TGS1: variants seen among roughly 807,000 people sequenced by gnomAD.
TGS1 encodes trimethylguanosine synthase 1, also known as trimethylguanosine synthase.
Under a neutral mutation model 92.2 loss-of-function variants are expected in TGS1, and 69 were observed. The ratio of observed to expected loss-of-function variants is 0.75; its 90% confidence interval spans 0.62 to 0.91. TGS1 has a LOEUF of 0.91. Ranked by LOEUF, TGS1 falls within the 40% of genes least tolerant of loss-of-function variation. The pLI is 0.00. For synonymous variants in TGS1, 345 were observed against 338.1 expected, an observed-to-expected ratio of 1.02 and a Z score of -0.22; for missense variants, 1,062 against 1,001.2, an observed-to-expected ratio of 1.06 and a Z score of -0.82.
At chr8:55,820,690 T>C (rs1197622835) in intron 12 of TGS1, among the ~76,000 whole-genome samples, 1 of 152,228 alleles carries the variant, frequency 6.6e-6, no homozygotes, top group African/African-American at 2.4e-5. Flanking sequence ...TGATGTCAAA[T>C]CTAGTCAAGA....
At position 55,824,750 on chromosome 8, in the gene TGS1, T is replaced by G; in HGVS notation, c.*47T>G. On this transcript the variant is annotated 3_prime_UTR_variant, in exon 13 of 13. Transcript: ENST00000260129. ...AAAGATCATGGAGTGGTCAAAATAT[T>G]CAGATGAGACATTTGGCATGTCTTC... 1 of 1,604,732 alleles carries G rather than the reference T, an allele frequency of 6.2e-7. No individual in the cohort carries two copies.
chr8:55,819,801 CT>C (rs1395524858), intron 12 of TGS1, among the ~76,000 whole-genome samples: 20 of 152,198 alleles, frequency 1.3e-4, no homozygotes, highest in East Asian at 7.7e-4. Context: ...TCCCAGAGAA[CT>C]TTTAATTACC....
intron 2 of TGS1, among the ~76,000 whole-genome samples, chr8:55,783,730 A>T (rs1312888330): frequency 6.6e-6 from 1 of 152,206 alleles, no homozygotes; most frequent in East Asian, 1.9e-4. Context: ...CAGCCCAAGT[A>T]CAGTGTCATA....
chr8:55,822,560 T>TC (rs200336283), intron 12 of TGS1, among the ~76,000 whole-genome samples: 5 of 140,742 alleles, frequency 3.6e-5, no homozygotes, highest in African/African-American at 1.1e-4. Flanking sequence ...TTTTTTTTTT[T>TC]TCCCCCTTTC....
chr8:55,819,560 A>AGTTCT (rs1803578653), intron 12 of TGS1, among the ~76,000 whole-genome samples: 1 of 151,488 alleles, frequency 6.6e-6, no homozygotes. Flanking sequence ...AGCCTCCCAA[A>AGTTCT]GTTCTGGGAT....
At chr8:55,783,974 G>T (rs1435478498) in intron 2 of TGS1, among the ~76,000 whole-genome samples, 2 of 152,202 alleles carry the variant, frequency 1.3e-5, no homozygotes, top group African/African-American at 4.8e-5. Flanking sequence ...AAGTATATTT[G>T]AATGGAGTAG....
chr8:55,804,761 T>G, intron 9 of TGS1, 132 bp from the exon 10 acceptor site: 2 of 729,938 alleles, frequency 2.7e-6, no homozygotes, highest in Non-Finnish European at 2.1e-6. Context: ...TAAAACTGGG[T>G]GATTTATAAT....
At chr8:55,820,920 G>A (rs1423961849) in intron 12 of TGS1, among the ~76,000 whole-genome samples, 1 of 152,092 alleles carries the variant, frequency 6.6e-6, no homozygotes, top group Non-Finnish European at 1.5e-5. Flanking sequence ...ATAATATTTT[G>A]TCAGCTAAAC....
At chr8:55,774,769 G>A (rs780198395) in intron 1 of TGS1, among the ~76,000 whole-genome samples, 2 of 152,226 alleles carry the variant, frequency 1.3e-5, no homozygotes, top group Non-Finnish European at 1.5e-5. Context: ...CTATGAGAGA[G>A]AAGTGCAGGA....
chr8:55,788,808 T>C (rs1354065235), intron 4 of TGS1, among the ~76,000 whole-genome samples: 1 of 152,148 alleles, frequency 6.6e-6, no homozygotes, highest in African/African-American at 2.4e-5. Context: ...TCTTCTATAC[T>C]CTCCTGATAC....
At chr8:55,777,919 T>C (rs1176810888) in intron 1 of TGS1, among the ~76,000 whole-genome samples, 1 of 152,056 alleles carries the variant, frequency 6.6e-6, no homozygotes, top group Admixed American at 6.5e-5. Context: ...TTTTTTTTAA[T>C]TTAAGCCTTC....
intron 2 of TGS1, among the ~76,000 whole-genome samples, chr8:55,784,635 C>T (rs1028740239): frequency 6.6e-6 from 1 of 152,166 alleles, no homozygotes; most frequent in Non-Finnish European, 1.5e-5. Flanking sequence ...CTTCTAATAG[C>T]AGAATCCTTT....
intron 11 of TGS1, among the ~76,000 whole-genome samples, chr8:55,811,547 G>A (rs1803341319): frequency 1.3e-5 from 2 of 151,824 alleles, no homozygotes; most frequent in African/African-American, 2.4e-5. Context: ...GGATCACGAG[G>A]TCAGGAGATC....
At chr8:55,776,277 CTTTTTTTTTT>C (rs71256565) in intron 1 of TGS1, among the ~76,000 whole-genome samples, 1 of 120,526 alleles carries the variant, frequency 8.3e-6, no homozygotes, top group Non-Finnish European at 1.7e-5. Flanking sequence ...TTCACGGTGT[CTTTTTTTTTT>C]TTTTTTTTTT....
At chr8:55,805,352 C>T (rs1812336268) in intron 10 of TGS1, among the ~76,000 whole-genome samples, 1 of 152,020 alleles carries the variant, frequency 6.6e-6, no homozygotes, top group African/African-American at 2.4e-5. Flanking sequence ...AGATGAATCC[C>T]TTGTAACCTA....
intron 7 of TGS1, among the ~76,000 whole-genome samples, chr8:55,797,580 T>C (rs1359384077): frequency 1.3e-5 from 2 of 152,226 alleles, no homozygotes; most frequent in African/African-American, 4.8e-5. Flanking sequence ...GGCCAATTTA[T>C]TGATTCACAT....
At chr8:55,782,938 G>T in intron 2 of TGS1, 126 bp downstream of exon 2, 1 of 624,920 alleles carries the variant, frequency 1.6e-6, no homozygotes, top group Non-Finnish European at 2.7e-6. Context: ...AAATAATTCT[G>T]TAATCAGACA....
Position 55,786,851 on chromosome 8 carries a change from T to C in TGS1, c.953T>C (p.Leu318Pro), listed in dbSNP as rs1811731096. The C allele has an allele frequency of 6.2e-7, 1 of 1,614,016 alleles. No individual in the cohort carries two copies. Among genetic ancestry groups the C allele is most frequent in the African/African-American group, 1.3e-5 (1 of 74,932 alleles). Residue 318 changes from leucine to proline, a missense_variant, in exon 4 of 13, where the codon CTT becomes CCT. Physicochemically the swap from Leu to Pro is moderately conservative, Grantham distance 98 (BLOSUM62 -3). Coordinates refer to ENST00000260129, the MANE Select transcript of TGS1 (RefSeq NM_024831.8). Reference protein sequence around the residue: ...GTSDKDHSEILDGISNIKLNS... With the variant: ...GTSDKDHSEIPDGISNIKLNS... ...AGTGATAAGGATCATAGTGAAATAC[T>C]TGATGGAATTAGTAACATAAAACTG... is the stretch of plus-strand genomic sequence containing the variant.
rs62637705 is a variant in TGS1, at chr8:55,786,265, A to G, written c.367A>G (p.Lys123Glu). ...ATCTATGAATACTAGAAATAAAGTT[A>G]AAATAAAAAAGAAAAAACATCAAAA... ...EVSMNTRNKV[K>E]IKKKKHQKKY... The change falls in exon 4 of 13, where the codon AAA (lysine) becomes GAA (glutamate). Residue 123 changes from lysine to glutamate, a missense_variant. Coordinates refer to ENST00000260129, the MANE Select transcript of TGS1 (RefSeq NM_024831.8). 1,529 of 1,473,620 alleles carry G rather than the reference A, an allele frequency of 1.0e-3. 7 individuals carry two copies. In the African/African-American group the frequency reaches 0.011, roughly 10 times the overall value. The allele number at this position is 1,473,620 out of a possible 1,614,324, so 91.3% of individuals were successfully genotyped here. A position where few individuals can be genotyped will look rare whatever the true frequency, so the allele number is the denominator to read the frequency against.
Sources: allele counts gnomAD v4.1 joint callset (sites outside exome capture counted in the v4.1 genomes callset), GRCh38; gene constraint gnomAD v4.1.1; transcripts MANE v1.5; gene names NCBI Gene and HGNC (gene_info 2026-07-23, HGNC 2026-07-21).